The following ERC2 variants were observed in gnomAD, a reference collection of about 807,000 sequenced individuals.
The protein encoded by ERC2 is ERC protein 2.
A neutral mutation model predicts 114.8 loss-of-function variants in ERC2; 42 were observed. The observed-to-expected ratio is 0.37, with a 90% CI of 0.29 to 0.47. The LOEUF (loss-of-function observed/expected upper bound fraction) is 0.47, where lower values mean the gene tolerates loss of function less well. Among genes scored for constraint, ERC2 ranks in the 20% least tolerant of loss-of-function variants. ERC2 has a pLI of 0.99. For missense variants in ERC2, 939 were observed against 1,150.7 expected (o/e 0.82, Z 2.66); for synonymous variants, 454 against 425.5 (o/e 1.07, Z -0.82).
At chr3:56,286,629 C>T (rs1576278520) in intron 3 of ERC2, among the ~76,000 whole-genome samples, 1 of 152,040 alleles carries the variant, frequency 6.6e-6, no homozygotes, top group South Asian at 2.1e-4. Context: ...GGGGTCAGCA[C>T]ATTTAAAGAG....
intron 14 of ERC2, among the ~76,000 whole-genome samples, chr3:55,808,736 TATATATAA>T (rs1296467706): frequency 1.2e-4 from 11 of 91,254 alleles, no homozygotes; most frequent in Non-Finnish European, 2.3e-4. Flanking sequence ...TATATATATA[TATATATAA>T]CGTATAACTA....
intron 17 of ERC2, among the ~76,000 whole-genome samples, chr3:55,609,349 G>C (rs543723371): frequency 6.6e-6 from 1 of 152,210 alleles, no homozygotes; most frequent in Admixed American, 6.5e-5. Flanking sequence ...CCTAGCCACA[G>C]CATTGGTTCA....
chr3:56,235,556 T>C (rs1364492303), intron 3 of ERC2, among the ~76,000 whole-genome samples: 2 of 152,166 alleles, frequency 1.3e-5, no homozygotes, highest in African/African-American at 4.8e-5. Flanking sequence ...CCCTTTTTGA[T>C]AGGGCATATG....
At position 56,320,383 on chromosome 3, in the gene ERC2, A is replaced by G. The variant is rs569004655; in HGVS notation, c.658-23948T>C. On this transcript the variant is annotated intron_variant, in intron 2 of 17. Transcript: ENST00000288221. ...TCATCTGCCATTCAAGAATGAGGAT[A>G]AAATAAAGATACATTCAGACAAAAA... Among the ~76,000 whole-genome samples the G allele has an allele frequency of 9.8e-5, 15 of 152,388 alleles. 1 individual carries two copies. Among genetic ancestry groups the G allele is most frequent in the African/African-American group, 2.9e-4 (12 of 41,608 alleles).
At chr3:56,388,047 T>A (rs887115294) in intron 2 of ERC2, among the ~76,000 whole-genome samples, 4 of 152,182 alleles carry the variant, frequency 2.6e-5, no homozygotes, top group African/African-American at 9.7e-5. Flanking sequence ...CTTTCCAATA[T>A]CATATTTACA....
intron 14 of ERC2, among the ~76,000 whole-genome samples, chr3:55,789,216 T>C (rs1029177450): frequency 1.3e-5 from 2 of 152,222 alleles, no homozygotes; most frequent in South Asian, 4.1e-4. Flanking sequence ...ACTGTGACTG[T>C]CCTGCAAAAA....
At chr3:55,583,531 TC>T (rs2057417722) in intron 17 of ERC2, among the ~76,000 whole-genome samples, 1 of 38,992 alleles carries the variant, frequency 2.6e-5, no homozygotes, top group African/African-American at 1.2e-4. Flanking sequence ...CTCCCTTCCT[TC>T]CTTCCTTCCT....
chr3:56,383,725 G>A lies in ERC2; in HGVS notation c.657+50626C>T, dbSNP rs547214184. Reference sequence around the variant, plus strand: ...AAATTTACCATTTTAACCATCTCAAGTGTACAGTTCAGTGGCATCAAGTAC... The same window carrying A: ...AAATTTACCATTTTAACCATCTCAAATGTACAGTTCAGTGGCATCAAGTAC... On this transcript the variant is annotated intron_variant, in intron 2 of 17. Coordinates refer to ENST00000288221, the MANE Select transcript of ERC2 (RefSeq NM_015576.3). Among the ~76,000 whole-genome samples the A allele has an allele frequency of 3.3e-5, 5 of 152,170 alleles. No homozygotes were observed. The South Asian group carries it at 1.0e-3, about 32-fold the overall frequency.
At chr3:56,420,851 C>T (rs544077178) in intron 2 of ERC2, among the ~76,000 whole-genome samples, 52 of 150,620 alleles carry the variant, frequency 3.5e-4, no homozygotes, top group Admixed American at 2.6e-3. Flanking sequence ...GAGCTGAGAT[C>T]GCCCCACCGC....
chr3:56,032,923 GAA>G lies in ERC2; in HGVS notation c.1642-13894_1642-13893del, dbSNP rs1491375790. Among the ~76,000 whole-genome samples the G allele has an allele frequency of 1.5e-4, 12 of 78,140 alleles. 1 individual carries two copies. In the East Asian group the frequency reaches 3.6e-3, roughly 23 times the overall value. The allele number at this position is 78,140 out of a possible 152,430, so 51.3% of individuals were successfully genotyped here. On this transcript the variant is annotated intron_variant, in intron 7 of 17. Coordinates refer to ENST00000288221, the MANE Select transcript of ERC2 (RefSeq NM_015576.3). ...AGACAGAAAGAAAGAAAGAAAGAAA[GAA>G]AGAAAGAAAGAAAGAAAGAAAGAAA...
At chr3:56,381,809 G>A (rs190687607) in intron 2 of ERC2, among the ~76,000 whole-genome samples, 52 of 152,160 alleles carry the variant, frequency 3.4e-4, no homozygotes, top group African/African-American at 1.1e-3. Flanking sequence ...GATGGCTCAT[G>A]AGAGACTCTG....
chr3:55,826,824 A>C (rs182022055), intron 14 of ERC2, among the ~76,000 whole-genome samples: 1 of 152,344 alleles, frequency 6.6e-6, no homozygotes, highest in Non-Finnish European at 1.5e-5. Flanking sequence ...ATAATTCCAA[A>C]AAGATTTAAA....
chr3:56,201,790 C>T (rs1262717508), intron 3 of ERC2, among the ~76,000 whole-genome samples: 1 of 152,154 alleles, frequency 6.6e-6, no homozygotes, highest in Non-Finnish European at 1.5e-5. Flanking sequence ...TAAGAATATG[C>T]TCTTATTCAT....
intron 3 of ERC2, among the ~76,000 whole-genome samples, chr3:56,255,532 G>C (rs928702514): frequency 6.6e-6 from 1 of 152,176 alleles, no homozygotes; most frequent in African/African-American, 2.4e-5. Flanking sequence ...GCTGCCCTGG[G>C]AGGCAAGCTC....
At chr3:55,631,041 G>A (rs1201507193) in intron 17 of ERC2, among the ~76,000 whole-genome samples, 1 of 152,036 alleles carries the variant, frequency 6.6e-6, no homozygotes, top group African/African-American at 2.4e-5. Context: ...TAGAGAAAGA[G>A]AGGCTAATTA....
intron 14 of ERC2, among the ~76,000 whole-genome samples, chr3:55,767,572 C>T (rs908089306): frequency 8.5e-5 from 13 of 152,110 alleles, no homozygotes; most frequent in African/African-American, 1.9e-4. Flanking sequence ...GTCCTTCATG[C>T]GTATAGACCT....
At chr3:55,849,925 A>T (rs1042076897) in intron 14 of ERC2, among the ~76,000 whole-genome samples, 2 of 152,222 alleles carry the variant, frequency 1.3e-5, no homozygotes, top group African/African-American at 4.8e-5. Flanking sequence ...CCGCTATGGT[A>T]ACTTAAAACA....
At chr3:56,333,786 T>G (rs2057735732) in intron 2 of ERC2, among the ~76,000 whole-genome samples, 1 of 152,176 alleles carries the variant, frequency 6.6e-6, no homozygotes, top group Admixed American at 6.5e-5. Context: ...TGACTTGCAA[T>G]ATCTATAATA....
intron 7 of ERC2, among the ~76,000 whole-genome samples, chr3:56,049,493 T>G (rs546033510): frequency 5.4e-4 from 82 of 152,298 alleles, no homozygotes; most frequent in Non-Finnish European, 9.8e-4. Context: ...GGTGTTTCTG[T>G]GAGGGTGTTG....
Sources: allele counts gnomAD v4.1 joint callset (sites outside exome capture counted in the v4.1 genomes callset), GRCh38; gene constraint gnomAD v4.1.1; transcripts MANE v1.5; gene names NCBI Gene and HGNC (gene_info 2026-07-23, HGNC 2026-07-21).